The following SERPINB10 variants were observed in gnomAD, a reference collection of about 807,000 sequenced individuals.
SERPINB10 encodes the protein serpin B10.
A neutral mutation model predicts 39.1 loss-of-function variants in SERPINB10; 35 were observed. The observed-to-expected ratio is 0.90, with a 90% CI of 0.68 to 1.19. The LOEUF (loss-of-function observed/expected upper bound fraction) is 1.19, where lower values mean the gene tolerates loss of function less well. Ranked by LOEUF, SERPINB10 falls within the 50% of genes most tolerant of loss-of-function variation. SERPINB10 has a pLI of 0.00. For synonymous variants in SERPINB10, 190 were observed against 158.1 expected (o/e 1.20, Z -1.52); for missense variants, 546 against 460.5 (o/e 1.19, Z -1.70).
intron 5 of SERPINB10, 39 bp downstream of exon 5, chr18:63,919,944 C>A: frequency 8.1e-7 from 1 of 1,235,906 alleles, no homozygotes; most frequent in Non-Finnish European, 1.2e-6. Flanking sequence ...GTGCTTTTCC[C>A]AAACATCCTT....
chr18:63,922,853 C>T (rs2050155965), intron 5 of SERPINB10, among the ~76,000 whole-genome samples: 1 of 151,892 alleles, frequency 6.6e-6, no homozygotes, highest in African/African-American at 2.4e-5. Flanking sequence ...GACTGAGGAA[C>T]TGAATTTTCA....
chr18:63,918,242 C>A (rs1047466072), intron 4 of SERPINB10, 140 bp downstream of exon 4: 56 of 778,966 alleles, frequency 7.2e-5, no homozygotes, highest in Non-Finnish European at 1.0e-4. Context: ...TCAATTAGAC[C>A]AACCAATGAG....
In SERPINB10 at chr18:63,917,512, A is replaced by G. The variant is rs755197250; in HGVS notation, c.225A>G (p.Lys75=). The change falls in exon 3 of 8, where the codon AAA becomes AAG. Residue 75 remains lysine (K), a synonymous_variant. Transcript: ENST00000238508. ...AATGTGACCCTGAAAGTGAAAAAAA[A>G]AGGAAAATGGTATATCTTATCCTTT... is the stretch of plus-strand genomic sequence containing the variant. ...GVKCDPESEK[K]RKMEFNLSNS... The G allele has an allele frequency of 6.4e-7, 1 of 1,564,508 alleles. No individual in the cohort carries two copies. Among genetic ancestry groups the G allele is most frequent in the Non-Finnish European group, 8.7e-7 (1 of 1,150,364 alleles).
rs996923731 is a variant in SERPINB10, at chr18:63,908,305, A to T, written c.-10+265A>T. Among the ~76,000 whole-genome samples the T allele has an allele frequency of 4.6e-5, 7 of 152,036 alleles. No homozygotes were observed. In the East Asian group the frequency reaches 1.2e-3, roughly 25 times the overall value. On this transcript the variant is annotated intron_variant, in intron 1 of 7. Coordinates refer to ENST00000238508, the MANE Select transcript of SERPINB10 (RefSeq NM_005024.3). ...GAAATTGTTTTTCTAGGAATTGTGG[A>T]GTGGAATTTGCTCCTTGTTTTACTG...
intron 5 of SERPINB10, among the ~76,000 whole-genome samples, chr18:63,925,999 A>G (rs2050178790): frequency 6.6e-6 from 1 of 152,012 alleles, no homozygotes; most frequent in African/African-American, 2.4e-5. Flanking sequence ...ACACAGCATG[A>G]CTTTGGTGGT....
chr18:63,920,855 G>T (rs183715313), intron 5 of SERPINB10, among the ~76,000 whole-genome samples: 1 of 151,900 alleles, frequency 6.6e-6, no homozygotes, highest in Non-Finnish European at 1.5e-5. Flanking sequence ...GTTGCCATTT[G>T]TCACCTAAAT....
chr18:63,927,170 C>T (rs1030552194), intron 5 of SERPINB10, among the ~76,000 whole-genome samples: 1 of 151,820 alleles, frequency 6.6e-6, no homozygotes, highest in Non-Finnish European at 1.5e-5. Flanking sequence ...ATAAATACCA[C>T]TAATGTTTCT....
chr18:63,928,376 T>G (rs1403932055), intron 5 of SERPINB10, among the ~76,000 whole-genome samples: 1 of 152,084 alleles, frequency 6.6e-6, no homozygotes, highest in African/African-American at 2.4e-5. Context: ...TTATAAATCG[T>G]TCAAGGTGCT....
chr18:63,921,212 G>A (rs1418799904), intron 5 of SERPINB10, among the ~76,000 whole-genome samples: 2 of 151,844 alleles, frequency 1.3e-5, no homozygotes, highest in African/African-American at 4.8e-5. Flanking sequence ...GAATATTAAT[G>A]ATGATGCCTT....
At chr18:63,913,124 TCA>T (rs569061857) in intron 1 of SERPINB10, among the ~76,000 whole-genome samples, 10 of 152,052 alleles carry the variant, frequency 6.6e-5, no homozygotes, top group African/African-American at 2.4e-4. Context: ...AGTTGTAATG[TCA>T]CTTTTGTTAT....
intron 6 of SERPINB10, among the ~76,000 whole-genome samples, chr18:63,931,702 T>A (rs755639946): frequency 6.6e-6 from 1 of 152,186 alleles, no homozygotes; most frequent in Non-Finnish European, 1.5e-5. Flanking sequence ...TCCCTTATTA[T>A]TAACATCTTA....
chr18:63,935,673 G>T lies in SERPINB10; in HGVS notation c.*431G>T, dbSNP rs1011573289. 11 of 158,038 alleles carry T rather than the reference G, an allele frequency of 7.0e-5. No individual in the cohort carries two copies. Among genetic ancestry groups the T allele is most frequent in the Non-Finnish European group, 1.1e-4 (8 of 71,932 alleles). The allele number at this position is 158,038 out of a possible 1,614,324, so 9.8% of individuals were successfully genotyped here. A position where few individuals can be genotyped will look rare whatever the true frequency, so the allele number is the denominator to read the frequency against. ...TTTGATCAAAAATTTAGCCCGGCAT[G>T]GTGGTGCACACCTGTGTTCCCAGCT... is the stretch of plus-strand genomic sequence containing the variant. On this transcript the variant is annotated 3_prime_UTR_variant, in exon 8 of 8. Coordinates refer to ENST00000238508, the MANE Select transcript of SERPINB10 (RefSeq NM_005024.3).
chr18:63,933,193 G>T lies in SERPINB10; in HGVS notation c.779G>T (p.Gly260Val). ...LLILLPEDIN[G>V]LEQLEKAITY... ...ATACTACTGCCAGAAGACATTAATG[G>T]GCTGGAACAGGTAAATAACATCAGT... Residue 260 changes from glycine (G) to valine (V), a missense_variant, in exon 7 of 8, where the codon GGG (glycine) becomes GTG (valine). By Grantham distance (109) the Gly-to-Val change is moderately radical. Coordinates refer to ENST00000238508, the MANE Select transcript of SERPINB10 (RefSeq NM_005024.3). The T allele has an allele frequency of 6.2e-7, 1 of 1,613,920 alleles. No homozygotes were observed. Among genetic ancestry groups the T allele is most frequent in the South Asian group, 1.1e-5 (1 of 91,072 alleles).
Position 63,915,127 on chromosome 18 carries a change from A to C in SERPINB10, c.-9-375A>C, listed in dbSNP as rs142297802. Among the ~76,000 whole-genome samples, 135 of 152,210 alleles carry C rather than the reference A, an allele frequency of 8.9e-4. 2 individuals are homozygous for C. The highest frequency in any genetic ancestry group is 2.5e-3 in the African/African-American group (104 of 41,550). ...TGGGTGCACGAAGCAGCATAAAAAG[A>C]ATATTTTGCTCTCAATAAGCTTATG... On this transcript the variant is annotated intron_variant, in intron 1 of 7. Transcript: ENST00000238508.
chr18:63,923,522 C>T (rs924051544), intron 5 of SERPINB10, among the ~76,000 whole-genome samples: 5 of 152,016 alleles, frequency 3.3e-5, no homozygotes, highest in Middle Eastern at 6.8e-3. Context: ...CAAACCTGCA[C>T]CCTGAACCTT....
intron 5 of SERPINB10, among the ~76,000 whole-genome samples, chr18:63,926,733 T>G (rs2050184471): frequency 6.6e-6 from 1 of 152,010 alleles, no homozygotes; most frequent in Non-Finnish European, 1.5e-5. Flanking sequence ...GGTCTTGTAT[T>G]GATTTCTAAC....
chr18:63,930,499 A>C (rs1185273571), intron 6 of SERPINB10, among the ~76,000 whole-genome samples: 3 of 152,148 alleles, frequency 2.0e-5, no homozygotes, highest in African/African-American at 7.2e-5. Flanking sequence ...AGTTAGAAGC[A>C]GTCCAGAACA....
At position 63,918,011 on chromosome 18, in the gene SERPINB10, CACTTATCTCAGAAAT is replaced by C; in HGVS notation, c.282_296del (p.Ile96_Leu100del). On this transcript the variant is annotated inframe_deletion, in exon 4 of 8. Transcript: ENST00000238508. ...GAAGAAATACACTCTGATTTCCAAA[CACTTATCTCAGAAAT>C]CCTCAAGCCCAACGATGACTACTTA... 6.2e-7 allele frequency: 1 copy of C among 1,611,800 alleles called. No homozygotes were observed. The highest frequency in any genetic ancestry group is 8.5e-7 in the Non-Finnish European group (1 of 1,178,456).
intron 1 of SERPINB10, among the ~76,000 whole-genome samples, chr18:63,912,798 G>A (rs2050073992): frequency 6.6e-6 from 1 of 152,012 alleles, no homozygotes; most frequent in African/African-American, 2.4e-5. Context: ...TTTGTAGAAT[G>A]AGTTAGAGAG....
Sources: allele counts gnomAD v4.1 joint callset (sites outside exome capture counted in the v4.1 genomes callset), GRCh38; gene constraint gnomAD v4.1.1; transcripts MANE v1.5; gene names NCBI Gene and HGNC (gene_info 2026-07-23, HGNC 2026-07-21).